USP48: variants seen among roughly 807,000 people sequenced by gnomAD.
USP48 encodes the protein ubiquitin carboxyl-terminal hydrolase 48.
Under a neutral mutation model 150.7 loss-of-function variants are expected in USP48, and 43 were observed. That is an observed-to-expected ratio of 0.29 (90% CI 0.22 to 0.37). USP48 has a LOEUF of 0.37. Among genes scored for constraint, USP48 ranks in the 10% least tolerant of loss-of-function variants. The probability of loss-of-function intolerance (pLI) is 1.00; values close to 1 mark genes in which losing one functional copy is unlikely to be tolerated. For synonymous variants in USP48, 396 were observed against 425.9 expected (o/e 0.93, Z 0.86); for missense variants, 813 against 1,249.6 (o/e 0.65, Z 5.27).
At chr1:21,709,828 A>G (rs1005123328) in intron 15 of USP48, among the ~76,000 whole-genome samples, 9 of 152,320 alleles carry the variant, frequency 5.9e-5, no homozygotes, top group South Asian at 4.1e-4. Context: ...AGATCAGAAT[A>G]ATATTAAATA....
At chr1:21,765,498 T>C (rs1003147981) in intron 1 of USP48, among the ~76,000 whole-genome samples, 5 of 151,544 alleles carry the variant, frequency 3.3e-5, no homozygotes, top group Non-Finnish European at 7.4e-5. Context: ...GCGCCTGTAG[T>C]CCCACCTACT....
intron 15 of USP48, among the ~76,000 whole-genome samples, chr1:21,709,013 G>A (rs1391124426): frequency 3.3e-5 from 5 of 151,568 alleles, no homozygotes; most frequent in East Asian, 1.9e-4. Flanking sequence ...GGGCTCAAGC[G>A]ATCCTCCTGC....
At chr1:21,759,181 CAAAAAA>C (rs11341963) in intron 1 of USP48, among the ~76,000 whole-genome samples, 1 of 69,248 alleles carries the variant, frequency 1.4e-5, no homozygotes, top group South Asian at 6.7e-4. Flanking sequence ...GACACGGTCT[CAAAAAA>C]AAAAAAAAAA....
chr1:21,743,659 C>T (rs1272794447), intron 8 of USP48, among the ~76,000 whole-genome samples: 2 of 151,992 alleles, frequency 1.3e-5, no homozygotes, highest in Non-Finnish European at 2.9e-5. Context: ...AGTGGTTACA[C>T]TTAAGGGGAG....
At chr1:21,772,660 G>A (rs1248904033) in intron 1 of USP48, among the ~76,000 whole-genome samples, 1 of 150,896 alleles carries the variant, frequency 6.6e-6, no homozygotes, top group Non-Finnish European at 1.5e-5. Flanking sequence ...GGTGGCTCGC[G>A]CCTATAATCC....
At chr1:21,772,491 C>T (rs953203907) in intron 1 of USP48, among the ~76,000 whole-genome samples, 6 of 151,840 alleles carry the variant, frequency 4.0e-5, no homozygotes, top group East Asian at 1.9e-4. Flanking sequence ...GGCGTGGTGG[C>T]GGGCGCCTGT....
At chr1:21,781,044 CTTT>C (rs2097913175) in intron 1 of USP48, among the ~76,000 whole-genome samples, 1 of 149,482 alleles carries the variant, frequency 6.7e-6, no homozygotes, top group Non-Finnish European at 1.5e-5. Flanking sequence ...CCGGCCTATT[CTTT>C]TTTCTTTTAA....
chr1:21,719,316 AAAT>A (rs1489073891), intron 14 of USP48, among the ~76,000 whole-genome samples: 1 of 152,114 alleles, frequency 6.6e-6, no homozygotes, highest in Non-Finnish European at 1.5e-5. Flanking sequence ...TCAAAAAAGA[AAAT>A]AAAAGTAAAA....
At chr1:21,697,547 C>T (rs1557437247) in intron 22 of USP48, among the ~76,000 whole-genome samples, 1 of 151,324 alleles carries the variant, frequency 6.6e-6, no homozygotes, top group Admixed American at 6.6e-5. Context: ...CCTGTAGTCC[C>T]AGCTACTTGG....
rs1328360891 is a variant in USP48 at position 21,679,304 on chromosome 1, G to A, written c.*113C>T. 1 of 1,340,740 alleles carries A rather than the reference G, an allele frequency of 7.5e-7. No homozygotes were observed. Among genetic ancestry groups the A allele is most frequent in the Non-Finnish European group, 1.1e-6 (1 of 939,178 alleles). The allele number at this position is 1,340,740 out of a possible 1,614,324, so 83.1% of individuals were successfully genotyped here. A position where few individuals can be genotyped will look rare whatever the true frequency, so the allele number is the denominator to read the frequency against. On this transcript the variant is annotated 3_prime_UTR_variant, in exon 27 of 27. Coordinates refer to ENST00000308271, the MANE Select transcript of USP48 (RefSeq NM_032236.8). ...ACGTTTGAATGGATTTCTGCCTTTT[G>A]GAAGGGGCATGTAATGGTTTAATTC...
chr1:21,700,935 C>G (rs1254782286), intron 22 of USP48, among the ~76,000 whole-genome samples: 5 of 151,836 alleles, frequency 3.3e-5, no homozygotes, highest in Admixed American at 1.3e-4. Flanking sequence ...AGTGGTGGCG[C>G]ATGCCTGTAA....
intron 1 of USP48, among the ~76,000 whole-genome samples, chr1:21,770,773 C>A (rs1020806254): frequency 5.9e-5 from 9 of 151,822 alleles, no homozygotes; most frequent in Non-Finnish European, 7.4e-5. Flanking sequence ...TGAGCCACTG[C>A]ACCTGGCCAA....
intron 8 of USP48, among the ~76,000 whole-genome samples, chr1:21,745,156 G>A (rs200547227): frequency 1.6e-3 from 236 of 152,218 alleles, no homozygotes; most frequent in Middle Eastern, 3.4e-3. Context: ...AAAGTTAATT[G>A]TTTTTAGTCT....
chr1:21,719,616 C>A (rs1372366272), intron 14 of USP48, among the ~76,000 whole-genome samples: 1 of 152,132 alleles, frequency 6.6e-6, no homozygotes, highest in African/African-American at 2.4e-5. Flanking sequence ...ACTGGTCAGG[C>A]ACGGTGGCTC....
intron 15 of USP48, among the ~76,000 whole-genome samples, chr1:21,709,017 C>T (rs1305532561): frequency 6.6e-6 from 1 of 151,850 alleles, no homozygotes; most frequent in East Asian, 1.9e-4. Flanking sequence ...TCAAGCGATC[C>T]TCCTGCCTTA....
In USP48 at chr1:21,721,143, T is replaced by C. The variant is rs760833018; in HGVS notation, c.1787A>G (p.Lys596Arg). Residue 596 changes from lysine to arginine, a missense_variant, in exon 14 of 27, where the codon AAG (lysine) becomes AGG (arginine). Physicochemically the swap from Lys to Arg is conservative, Grantham distance 26. Coordinates refer to ENST00000308271, the MANE Select transcript of USP48 (RefSeq NM_032236.8). ...CTGGCGCCAACTCCGCAAGGAGGAC[T>C]TCCCCACCCAAAATCCATCGCTGCT... ...VKGSDGFWVG[K>R]SSLRSWRQLA... The C allele has an allele frequency of 8.7e-6, 14 of 1,614,256 alleles. No individual in the cohort carries two copies. The highest frequency in any genetic ancestry group is 1.2e-5 in the Non-Finnish European group (14 of 1,180,040).
intron 1 of USP48, among the ~76,000 whole-genome samples, chr1:21,761,057 C>T (rs2097848766): frequency 6.8e-6 from 1 of 147,848 alleles, no homozygotes; most frequent in Non-Finnish European, 1.5e-5. Context: ...ATCACGCCAT[C>T]GCACTCCAGC....
chr1:21,720,980 C>A, intron 14 of USP48, 56 bp downstream of exon 14: 3 of 1,595,168 alleles, frequency 1.9e-6, no homozygotes, highest in Non-Finnish European at 2.6e-6. Flanking sequence ...GCCTGGCCCA[C>A]TTATATTTTC....
intron 23 of USP48, among the ~76,000 whole-genome samples, chr1:21,692,361 C>T (rs909922562): frequency 6.6e-5 from 10 of 152,208 alleles, no homozygotes; most frequent in South Asian, 2.1e-4. Context: ...GCAAATGTTC[C>T]GGAACCATGA....
Sources: allele counts gnomAD v4.1 joint callset (sites outside exome capture counted in the v4.1 genomes callset), GRCh38; gene constraint gnomAD v4.1.1; transcripts MANE v1.5; gene names NCBI Gene and HGNC (gene_info 2026-07-23, HGNC 2026-07-21).